Variants in PSD3 observed in about 807,000 individuals in gnomAD.
PSD3 encodes PH and SEC7 domain-containing protein 3.
Under a neutral mutation model 105.5 loss-of-function variants are expected in PSD3, and 49 were observed. The ratio of observed to expected loss-of-function variants is 0.46; its 90% CI spans 0.37 to 0.59. The LOEUF is 0.59. Among genes scored for constraint, PSD3 ranks in the 20% least tolerant of loss-of-function variants. The pLI, the probability that PSD3 is intolerant of heterozygous loss-of-function variation, is 0.00. For missense variants in PSD3, 1,561 were observed against 1,263.8 expected, an observed-to-expected ratio of 1.24 and a Z score of -3.57; for synonymous variants, 557 against 457.8, an observed-to-expected ratio of 1.22 and a Z score of -2.77.
chr8:18,893,155 T>C (rs1818921726), intron 2 of PSD3, among the ~76,000 whole-genome samples: 1 of 152,110 alleles, frequency 6.6e-6, no homozygotes, highest in Non-Finnish European at 1.5e-5. Context: ...AGCACTTTGA[T>C]GGTGAGCTGA....
At chr8:18,804,422 T>TA (rs59596734) in intron 6 of PSD3, 100 bp downstream of exon 6, 539 of 937,544 alleles carry the variant, frequency 5.7e-4, no homozygotes, top group South Asian at 1.6e-3. Context: ...CATGGAGGTT[T>TA]AAAAAAAAAA....
At chr8:18,862,352 C>A (rs1481096199) in intron 4 of PSD3, among the ~76,000 whole-genome samples, 1 of 146,760 alleles carries the variant, frequency 6.8e-6, no homozygotes, top group Non-Finnish European at 1.5e-5. Context: ...TAACCCACAT[C>A]ACTGAGCAGG....
chr8:18,615,868 C>T (rs1316102395), intron 11 of PSD3, among the ~76,000 whole-genome samples: 5 of 152,144 alleles, frequency 3.3e-5, no homozygotes, highest in Non-Finnish European at 7.3e-5. Context: ...ATTTCTACAA[C>T]TAGCAATTCA....
At chr8:18,804,941 T>C (rs754278253) in intron 4 of PSD3, 43 bp from the exon 5 acceptor site, 7 of 1,474,244 alleles carry the variant, frequency 4.7e-6, no homozygotes, top group Non-Finnish European at 5.5e-6. Flanking sequence ...ATTTTTCTTA[T>C]ATGGCAAAAA....
chr8:18,979,795 A>C (rs1825157727), intron 1 of PSD3: 1 of 153,982 alleles, frequency 6.5e-6, no homozygotes, highest in African/African-American at 2.4e-5. Flanking sequence ...AGAACAAATA[A>C]AAGAATATAC....
chr8:18,976,897 G>A (rs1005194162), intron 1 of PSD3, among the ~76,000 whole-genome samples: 10 of 152,134 alleles, frequency 6.6e-5, no homozygotes, highest in Non-Finnish European at 1.5e-4. Flanking sequence ...TACAAAGGAC[G>A]TATATGTGGC....
At chr8:18,659,103 A>G (rs945228627) in intron 9 of PSD3, among the ~76,000 whole-genome samples, 5 of 152,206 alleles carry the variant, frequency 3.3e-5, no homozygotes, top group Non-Finnish European at 7.3e-5. Flanking sequence ...CTCTGAAGCC[A>G]AGGGGACTAG....
At chr8:18,944,571 AAAAT>A (rs56700106) in intron 1 of PSD3, among the ~76,000 whole-genome samples, 16,591 of 143,586 alleles carry the variant, frequency 0.12, 1,067 homozygotes, top group African/African-American at 0.16. Flanking sequence ...ACTCCATCTC[AAAAT>A]AAATAAATAA....
At chr8:18,990,410 C>T (rs905522306) in intron 1 of PSD3, among the ~76,000 whole-genome samples, 3 of 152,214 alleles carry the variant, frequency 2.0e-5, no homozygotes, top group Non-Finnish European at 4.4e-5. Context: ...TCATATGCGA[C>T]GCTCTTTTCT....
intron 2 of PSD3, among the ~76,000 whole-genome samples, chr8:18,884,753 G>A (rs1403415888): frequency 2.0e-5 from 3 of 152,078 alleles, no homozygotes; most frequent in African/African-American, 4.8e-5. Context: ...CTGTGCTTAC[G>A]GCAAACTAAA....
intron 11 of PSD3, among the ~76,000 whole-genome samples, chr8:18,621,209 A>G (rs577565574): frequency 6.6e-6 from 1 of 152,278 alleles, no homozygotes; most frequent in South Asian, 2.1e-4. Context: ...GGAATTTGAG[A>G]CCAGCCTGGC....
chr8:18,983,019 T>C (rs936569106), intron 1 of PSD3, among the ~76,000 whole-genome samples: 4 of 152,248 alleles, frequency 2.6e-5, no homozygotes, highest in African/African-American at 7.2e-5. Context: ...TTTGTCTACA[T>C]TGAAACTGTG....
At chr8:18,809,545 G>C (rs922723670) in intron 4 of PSD3, among the ~76,000 whole-genome samples, 1 of 152,186 alleles carries the variant, frequency 6.6e-6, no homozygotes, top group Non-Finnish European at 1.5e-5. Flanking sequence ...TCTAGTGTAA[G>C]TACGTCCCAA....
intron 1 of PSD3, among the ~76,000 whole-genome samples, chr8:18,946,146 T>G (rs1174034208): frequency 6.6e-6 from 1 of 152,208 alleles, no homozygotes; most frequent in Non-Finnish European, 1.5e-5. Flanking sequence ...TTGCTCTCCC[T>G]CTATAATTAA....
chr8:18,958,001 C>T (rs1823684053), intron 1 of PSD3, among the ~76,000 whole-genome samples: 2 of 152,218 alleles, frequency 1.3e-5, no homozygotes, highest in East Asian at 3.9e-4. Flanking sequence ...AACACATATG[C>T]CCTTTTATCC....
At chr8:18,684,410 C>T (rs1210419901) in intron 9 of PSD3, among the ~76,000 whole-genome samples, 1 of 152,152 alleles carries the variant, frequency 6.6e-6, no homozygotes, top group Non-Finnish European at 1.5e-5. Flanking sequence ...CTCAAGTAAT[C>T]TCCAAGGCAC....
intron 11 of PSD3, among the ~76,000 whole-genome samples, chr8:18,629,271 G>C (rs1387880418): frequency 6.6e-6 from 1 of 151,918 alleles, no homozygotes; most frequent in African/African-American, 2.4e-5. Context: ...GATGCAAAAT[G>C]ATATAGAAAC....
Position 19,074,464 on chromosome 8 carries a change from T to C in PSD3, c.324+9742A>G, listed in dbSNP as rs577711267. ...CTCCAGTGTTGTCTTAAATGATGCA[T>C]ATTTTTTATGCTGAAATATGTACTT... On this transcript the variant is annotated intron_variant, in intron 1 of 1. Coordinates refer to the PSD3 transcript ENST00000521475. 3.4e-4 allele frequency among the ~76,000 whole-genome samples: 51 copies of C among 152,062 alleles called. No homozygotes were observed. The South Asian group carries it at 1.0e-2, about 30-fold the overall frequency.
intron 1 of PSD3, among the ~76,000 whole-genome samples, chr8:19,031,361 G>A (rs1827764006): frequency 6.6e-6 from 1 of 152,124 alleles, no homozygotes; most frequent in African/African-American, 2.4e-5. Flanking sequence ...TTGAAAGCTG[G>A]AAGAGAATTA....
Sources: gnomAD v4.1 joint callset for allele counts (sites outside exome capture counted in the v4.1 genomes callset) on GRCh38, gnomAD v4.1.1 for gene constraint, MANE v1.5 for transcripts, NCBI Gene and HGNC (gene_info 2026-07-23, HGNC 2026-07-21) for gene names.